Variants in MSI2 observed in about 807,000 individuals in gnomAD.
MSI2 encodes the protein RNA-binding protein Musashi homolog 2.
MSI2 carries 17 observed loss-of-function variants against 45.6 expected under a neutral mutation model. The observed-to-expected ratio is 0.37, with a 90% CI of 0.26 to 0.56. The LOEUF (loss-of-function observed/expected upper bound fraction) is 0.56. Ranked by LOEUF, MSI2 falls within the 20% of genes least tolerant of loss-of-function variation. The pLI is 0.77. For missense variants in MSI2, 293 were observed against 444.2 expected, an observed-to-expected ratio of 0.66 and a Z score of 3.06; for synonymous variants, 156 against 158.2, an observed-to-expected ratio of 0.99 and a Z score of 0.11.
chr17:57,278,474 AGGTTTT>A (rs1361753880), intron 5 of MSI2: 1 of 152,284 alleles, frequency 6.6e-6, no homozygotes, highest in Non-Finnish European at 1.5e-5. Context: ...GACCCACATT[AGGTTTT>A]GGAACCCACG....
intron 7 of MSI2, among the ~76,000 whole-genome samples, chr17:57,535,284 A>G (rs1234453026): frequency 1.3e-5 from 2 of 152,176 alleles, no homozygotes; most frequent in African/African-American, 2.4e-5. Flanking sequence ...CTTCCCTCCA[A>G]TTTCAGAGCC....
intron 5 of MSI2, among the ~76,000 whole-genome samples, chr17:57,333,905 C>T (rs1266124293): frequency 6.6e-6 from 1 of 152,070 alleles, no homozygotes; most frequent in African/African-American, 2.4e-5. Flanking sequence ...CATGTCTGGC[C>T]CAATCCATCT....
chr17:57,347,541 C>T (rs1489834319), intron 5 of MSI2, among the ~76,000 whole-genome samples: 3 of 152,194 alleles, frequency 2.0e-5, no homozygotes, highest in Non-Finnish European at 2.9e-5. Flanking sequence ...GTACATGCTT[C>T]TGTCTTGCGT....
intron 10 of MSI2, among the ~76,000 whole-genome samples, chr17:57,646,617 G>C (rs924267648): frequency 6.6e-6 from 1 of 152,238 alleles, no homozygotes; most frequent in African/African-American, 2.4e-5. Context: ...CAATTGCACA[G>C]CAAAGCAGGG....
chr17:57,676,242 GCACACACGCACACAGA>G (rs1253740395), intron 12 of MSI2, among the ~76,000 whole-genome samples: 4 of 152,108 alleles, frequency 2.6e-5, no homozygotes, highest in Non-Finnish European at 5.9e-5. Flanking sequence ...ACGCATGCAT[GCACACACGCACACAGA>G]CATGCACGCA....
intron 5 of MSI2, among the ~76,000 whole-genome samples, chr17:57,379,402 A>G (rs1019441312): frequency 6.7e-6 from 1 of 150,180 alleles, no homozygotes; most frequent in Non-Finnish European, 1.5e-5. Context: ...GACTGTTGCT[A>G]TTATGTGGCG....
At chr17:57,563,113 A>C (rs2087625663) in intron 7 of MSI2, among the ~76,000 whole-genome samples, 2 of 151,326 alleles carry the variant, frequency 1.3e-5, no homozygotes, top group African/African-American at 2.4e-5. Flanking sequence ...AAAAAAAAAA[A>C]AAAAAAAACA....
chr17:57,437,466 G>A (rs991827644), intron 6 of MSI2, among the ~76,000 whole-genome samples: 7 of 152,162 alleles, frequency 4.6e-5, no homozygotes, highest in Admixed American at 1.3e-4. Context: ...GATGATGGTT[G>A]GCAATAGGAT....
intron 5 of MSI2, among the ~76,000 whole-genome samples, chr17:57,355,241 C>T (rs1445901535): frequency 2.0e-5 from 3 of 152,156 alleles, no homozygotes; most frequent in African/African-American, 7.2e-5. Flanking sequence ...GTGAAGTGGC[C>T]GTCAGGATTC....
chr17:57,544,829 C>T (rs1245297699), intron 7 of MSI2, among the ~76,000 whole-genome samples: 1 of 152,184 alleles, frequency 6.6e-6, no homozygotes, highest in East Asian at 1.9e-4. Context: ...GGCCTCTACC[C>T]TCCCCCTTTC....
At chr17:57,328,165 C>T (rs1199456401) in intron 5 of MSI2, among the ~76,000 whole-genome samples, 1 of 152,170 alleles carries the variant, frequency 6.6e-6, no homozygotes. Context: ...CCAAAATGTG[C>T]CTGTATTGGC....
intron 6 of MSI2, among the ~76,000 whole-genome samples, chr17:57,417,635 C>A (rs2084319873): frequency 6.6e-6 from 1 of 152,126 alleles, no homozygotes. Context: ...TGTGAAAGAA[C>A]CTCAGCGAAC....
At chr17:57,575,818 G>A (rs946143328) in intron 7 of MSI2, among the ~76,000 whole-genome samples, 7 of 151,996 alleles carry the variant, frequency 4.6e-5, no homozygotes, top group African/African-American at 1.2e-4. Flanking sequence ...GGTGGCAGGC[G>A]CCTGTAGTCC....
intron 6 of MSI2, among the ~76,000 whole-genome samples, chr17:57,492,549 G>A (rs974301760): frequency 1.3e-4 from 20 of 152,140 alleles, no homozygotes; most frequent in African/African-American, 2.7e-4. Flanking sequence ...TTTCCCATGC[G>A]TCTGATGTGC....
At chr17:57,271,708 CT>C (rs1208657005) in intron 5 of MSI2, among the ~76,000 whole-genome samples, 3 of 125,004 alleles carry the variant, frequency 2.4e-5, no homozygotes, top group Non-Finnish European at 5.0e-5. Flanking sequence ...GAATTATTCT[CT>C]TTTGGCAATT....
intron 5 of MSI2, among the ~76,000 whole-genome samples, chr17:57,323,144 CA>C (rs1490988723): frequency 6.6e-6 from 1 of 151,958 alleles, no homozygotes; most frequent in Non-Finnish European, 1.5e-5. Context: ...GATCAAAAGC[CA>C]AAAAGAAAGG....
intron 6 of MSI2, among the ~76,000 whole-genome samples, chr17:57,468,101 G>C (rs2085361771): frequency 6.6e-6 from 1 of 151,800 alleles, no homozygotes; most frequent in Non-Finnish European, 1.5e-5. Flanking sequence ...TTGAATCTCT[G>C]GTGCCACCAT....
intron 7 of MSI2, among the ~76,000 whole-genome samples, chr17:57,569,267 G>GA (rs1401934198): frequency 6.6e-6 from 1 of 152,220 alleles, no homozygotes; most frequent in Non-Finnish European, 1.5e-5. Context: ...TTCCCTGATG[G>GA]AAACTGGTAG....
chr17:57,659,545 T>C (rs1006152906), intron 11 of MSI2, among the ~76,000 whole-genome samples: 1 of 152,178 alleles, frequency 6.6e-6, no homozygotes, highest in Non-Finnish European at 1.5e-5. Context: ...AGAATGGCCA[T>C]GTGACTTATT....
Sources: gnomAD v4.1 joint callset for allele counts (sites outside exome capture counted in the v4.1 genomes callset) on GRCh38, gnomAD v4.1.1 for gene constraint, MANE v1.5 for transcripts, NCBI Gene and HGNC (gene_info 2026-07-23, HGNC 2026-07-21) for gene names.